Variants in MACROD2 observed in about 807,000 individuals in gnomAD.
MACROD2 encodes mono-ADP ribosylhydrolase 2.
MACROD2 carries 36 observed loss-of-function variants against 70.4 expected under a neutral mutation model. That is an observed-to-expected ratio of 0.51 (90% CI 0.39 to 0.68). The LOEUF (loss-of-function observed/expected upper bound fraction) is 0.68, where lower values mean the gene tolerates loss of function less well. Ranked by LOEUF, MACROD2 falls within the 30% of genes least tolerant of loss-of-function variation. The pLI, the probability that MACROD2 is intolerant of heterozygous loss-of-function variation, is 0.00. For missense variants in MACROD2, 496 were observed against 538.4 expected, an observed-to-expected ratio of 0.92 and a Z score of 0.78; for synonymous variants, 172 against 178.8, an observed-to-expected ratio of 0.96 and a Z score of 0.30.
chr20:15,360,529 G>T (rs1437868039), intron 6 of MACROD2, among the ~76,000 whole-genome samples: 1 of 151,770 alleles, frequency 6.6e-6, no homozygotes, highest in Non-Finnish European at 1.5e-5. Context: ...TTTTCTATTT[G>T]CTTGACTATA....
At position 15,221,146 on chromosome 20, in the gene MACROD2, C is replaced by T. The variant is rs537757895; in HGVS notation, c.419-8794C>T. Among the ~76,000 whole-genome samples the T allele has an allele frequency of 6.6e-5, 10 of 152,226 alleles. No homozygotes were observed. The South Asian group carries it at 1.9e-3, about 28-fold the overall frequency. On this transcript the variant is annotated intron_variant, in intron 5 of 17. Transcript: ENST00000684519. ...ACCCACAGTATAGAGTCTTTAAAGC[C>T]GATTTTCTCCTCACATCTTAATAAA...
At chr20:14,324,386 C>A (rs1039724367) in intron 3 of MACROD2, 1 of 152,298 alleles carries the variant, frequency 6.6e-6, no homozygotes, top group Non-Finnish European at 1.5e-5. Flanking sequence ...TGTTACATTA[C>A]GAGTTCATTA....
Position 15,940,025 on chromosome 20 carries a change from A to G in MACROD2, c.907+2481A>G, listed in dbSNP as rs149633542. ...AGAAGTTGCATCTTATTTATTAAGA[A>G]AAAAAAGTGGTTTCTTGAGATGGAA... On this transcript the variant is annotated intron_variant, in intron 12 of 17. Coordinates refer to ENST00000684519, the MANE Select transcript of MACROD2 (RefSeq NM_001351661.2). Among the ~76,000 whole-genome samples, 891 of 151,370 alleles carry G rather than the reference A, an allele frequency of 5.9e-3. 2 individuals carry two copies. The highest frequency in any genetic ancestry group is 0.01 in the Admixed American group (159 of 15,270).
At chr20:14,023,773 AC>A (rs1451936712) in intron 2 of MACROD2, among the ~76,000 whole-genome samples, 2 of 152,174 alleles carry the variant, frequency 1.3e-5, no homozygotes, top group Admixed American at 6.5e-5. Flanking sequence ...CTGTTTTAGC[AC>A]CAGTATCATG....
chr20:15,593,748 A>AT (rs1186102561), intron 8 of MACROD2, among the ~76,000 whole-genome samples: 1 of 151,778 alleles, frequency 6.6e-6, no homozygotes, highest in Non-Finnish European at 1.5e-5. Context: ...CCTTTATTTC[A>AT]TTTTTTTCTG....
At position 14,091,171 on chromosome 20, in the gene MACROD2, CA is replaced by C. The variant is rs112146242; in HGVS notation, c.271+5446del. On this transcript the variant is annotated intron_variant, in intron 3 of 17. Coordinates refer to ENST00000684519, the MANE Select transcript of MACROD2 (RefSeq NM_001351661.2). ...AATTCCTTTTCAGATGTATTTTTTG[CA>C]AATATTTTCTCCCATTTTGTGGGTT... Among the ~76,000 whole-genome samples, 166 of 152,038 alleles carry C rather than the reference CA, an allele frequency of 1.1e-3. 2 individuals carry two copies. Among genetic ancestry groups the C allele is most frequent in the African/African-American group, 3.6e-3 (149 of 41,494 alleles).
chr20:15,200,929 C>T (rs1326260368), intron 5 of MACROD2, among the ~76,000 whole-genome samples: 1 of 152,166 alleles, frequency 6.6e-6, no homozygotes, highest in Non-Finnish European at 1.5e-5. Context: ...AAATTATCAA[C>T]TGGGAGTACA....
chr20:14,369,818 A>G (rs2083306206), intron 3 of MACROD2, among the ~76,000 whole-genome samples: 1 of 152,228 alleles, frequency 6.6e-6, no homozygotes, highest in East Asian at 1.9e-4. Context: ...GATGCATTCA[A>G]AGTAGACTTG....
intron 2 of MACROD2, among the ~76,000 whole-genome samples, chr20:14,065,371 G>A (rs536612110): frequency 6.6e-6 from 1 of 152,236 alleles, no homozygotes; most frequent in South Asian, 2.1e-4. Context: ...TGCTTTCTGA[G>A]CTTCAAGTAA....
chr20:15,880,083 C>T (rs938077577), intron 9 of MACROD2, among the ~76,000 whole-genome samples: 29 of 152,104 alleles, frequency 1.9e-4, no homozygotes, highest in African/African-American at 6.3e-4. Flanking sequence ...CAGTCTGCTC[C>T]GTACCCATTC....
intron 10 of MACROD2, among the ~76,000 whole-genome samples, chr20:15,918,640 A>T (rs1453488741): frequency 1.3e-5 from 2 of 152,208 alleles, no homozygotes; most frequent in Non-Finnish European, 2.9e-5. Flanking sequence ...TAGTAATGAG[A>T]TATGGGAGAA....
intron 8 of MACROD2, among the ~76,000 whole-genome samples, chr20:15,646,592 C>T (rs2049547028): frequency 6.6e-6 from 1 of 152,144 alleles, no homozygotes; most frequent in Non-Finnish European, 1.5e-5. Flanking sequence ...TTGTAATCCC[C>T]ATAATCCATA....
chr20:14,001,714 A>G (rs1353250011), intron 1 of MACROD2, among the ~76,000 whole-genome samples: 1 of 152,172 alleles, frequency 6.6e-6, no homozygotes, highest in African/African-American at 2.4e-5. Flanking sequence ...TTACAGGGCA[A>G]GATGAAGCGG....
intron 15 of MACROD2, among the ~76,000 whole-genome samples, chr20:16,018,652 C>T (rs2066962005): frequency 6.6e-6 from 1 of 152,206 alleles, no homozygotes; most frequent in African/African-American, 2.4e-5. Context: ...CCTAATATTA[C>T]ATCTGGATTC....
At chr20:15,745,979 T>G (rs530263301) in intron 8 of MACROD2, among the ~76,000 whole-genome samples, 1 of 152,298 alleles carries the variant, frequency 6.6e-6, no homozygotes, top group South Asian at 2.1e-4. Context: ...TTTTAGTTTT[T>G]GTTTTTTTGA....
chr20:14,308,322 T>G (rs1340591706), intron 3 of MACROD2, among the ~76,000 whole-genome samples: 1 of 152,154 alleles, frequency 6.6e-6, no homozygotes, highest in Admixed American at 6.5e-5. Flanking sequence ...ATATGTCAGC[T>G]GAAGTCTTGC....
At chr20:15,459,524 C>T (rs955101847) in intron 7 of MACROD2, among the ~76,000 whole-genome samples, 2 of 152,108 alleles carry the variant, frequency 1.3e-5, no homozygotes, top group African/African-American at 4.8e-5. Flanking sequence ...CCATCCTGAT[C>T]ATTAACTAAT....
chr20:15,794,813 C>T lies in MACROD2; in HGVS notation c.646-67932C>T, dbSNP rs533200710. Among the ~76,000 whole-genome samples the T allele has an allele frequency of 2.0e-5, 3 of 152,234 alleles. No homozygotes were observed. The South Asian group carries it at 6.2e-4, about 32-fold the overall frequency. On this transcript the variant is annotated intron_variant, in intron 8 of 17. Coordinates refer to ENST00000684519, the MANE Select transcript of MACROD2 (RefSeq NM_001351661.2). ...AAAAGTCTCTTTTTTAACTGACATC[C>T]GTAACAGAGAACGCTATTTCTCTCA...
chr20:15,872,963 A>G (rs1601030462), intron 9 of MACROD2, among the ~76,000 whole-genome samples: 1 of 152,172 alleles, frequency 6.6e-6, no homozygotes, highest in Non-Finnish European at 1.5e-5. Flanking sequence ...CTTAATTTTA[A>G]TAGACCCAAA....
Sources: gnomAD v4.1 joint callset for allele counts (sites outside exome capture counted in the v4.1 genomes callset) on GRCh38, gnomAD v4.1.1 for gene constraint, MANE v1.5 for transcripts, NCBI Gene and HGNC (gene_info 2026-07-23, HGNC 2026-07-21) for gene names.